Variants in RORA observed in about 807,000 individuals in gnomAD.
The protein encoded by RORA is RAR related orphan receptor A.
In RORA, 7 loss-of-function variants were observed where a neutral mutation model predicts 69.5. The observed-to-expected ratio is 0.10, with a 90% CI of 0.06 to 0.19. The LOEUF (loss-of-function observed/expected upper bound fraction) is 0.19. Among genes scored for constraint, RORA ranks in the 10% least tolerant of loss-of-function variants. RORA has a pLI of 1.00. For synonymous variants in RORA, 261 were observed against 240.8 expected (o/e 1.08, Z -0.78); for missense variants, 457 against 663.0 (o/e 0.69, Z 3.41).
chr15:61,210,685 G>C (rs1461203675), intron 1 of RORA, among the ~76,000 whole-genome samples: 1 of 152,088 alleles, frequency 6.6e-6, no homozygotes, highest in East Asian at 1.9e-4. Flanking sequence ...TTTTTTAAAA[G>C]GGAACTTTTT....
chr15:61,147,540 G>A lies in RORA; in HGVS notation c.166+81513C>T, dbSNP rs1318025475. Among the ~76,000 whole-genome samples, 1 of 152,222 alleles carries A rather than the reference G, an allele frequency of 6.6e-6. No homozygotes were observed. The highest frequency in any genetic ancestry group is 1.9e-4 in the East Asian group (1 of 5,194). ...TGGTTCCAAACCTCATAGAAGATAGGTTGGAAGCAGGAAAAAAAGATGAAA... is the reference window on the plus strand; with the variant it reads ...TGGTTCCAAACCTCATAGAAGATAGATTGGAAGCAGGAAAAAAAGATGAAA... On this transcript the variant is annotated intron_variant, in intron 1 of 10. Coordinates refer to ENST00000335670, the MANE Select transcript of RORA (RefSeq NM_134261.3). The surrounding 1 kb of genome is among the most constrained non-coding windows in gnomAD (Gnocchi z 4.1).
At chr15:61,162,380 TCCGTATTTTAATAGACTTTAGC>T (rs2079503148) in intron 1 of RORA, among the ~76,000 whole-genome samples, 1 of 152,148 alleles carries the variant, frequency 6.6e-6, no homozygotes, top group African/African-American at 2.4e-5. Context: ...AATATCTTAG[TCCGTATTTTAATAGACTTTAGC>T]CTTGACAAAA....
At chr15:60,708,455 T>C (rs1205402946) in intron 1 of RORA, among the ~76,000 whole-genome samples, 1 of 151,266 alleles carries the variant, frequency 6.6e-6, no homozygotes, top group Non-Finnish European at 1.5e-5. Context: ...GTTACCAACA[T>C]CACATCCAAG....
rs550191408 is a variant in RORA at position 60,852,121 on chromosome 15, T to G, written c.167-173435A>C. The stretch of plus-strand genomic sequence containing the variant: ...TGGCACACCAGCGCTTGAACCTCAG[T>G]GCAGGGCCTGTCCCTATGTGATTCA... On this transcript the variant is annotated intron_variant, in intron 1 of 10. Coordinates refer to ENST00000335670, the MANE Select transcript of RORA (RefSeq NM_134261.3). 8.0e-4 allele frequency among the ~76,000 whole-genome samples: 122 copies of G among 152,328 alleles called. 1 individual carries two copies. The highest frequency in any genetic ancestry group is 1.0e-3 in the African/African-American group (42 of 41,588).
chr15:61,203,939 T>C (rs1219795831), intron 1 of RORA, among the ~76,000 whole-genome samples: 1 of 152,192 alleles, frequency 6.6e-6, no homozygotes, highest in Admixed American at 6.5e-5. Context: ...GTTCAAAATG[T>C]TTGCAGAGAG....
intron 1 of RORA, among the ~76,000 whole-genome samples, chr15:61,059,214 G>C (rs2078136456): frequency 6.6e-6 from 1 of 152,216 alleles, no homozygotes; most frequent in Non-Finnish European, 1.5e-5. Context: ...CTGAGCCTCA[G>C]GGGATGCCCC....
intron 1 of RORA, among the ~76,000 whole-genome samples, chr15:60,757,234 C>T (rs2071816158): frequency 2.0e-5 from 3 of 152,162 alleles, no homozygotes; most frequent in Non-Finnish European, 4.4e-5. Flanking sequence ...CTTCTCAGCA[C>T]TGTTGATCAT....
intron 1 of RORA, among the ~76,000 whole-genome samples, chr15:60,947,045 C>A (rs965164277): frequency 1.2e-4 from 11 of 88,832 alleles, no homozygotes; most frequent in African/African-American, 3.0e-4. Context: ...CGGCCAGCCG[C>A]CCCGTCCGGG....
At chr15:61,053,243 C>T (rs1055160910) in intron 1 of RORA, among the ~76,000 whole-genome samples, 1 of 152,026 alleles carries the variant, frequency 6.6e-6, no homozygotes, top group African/African-American at 2.4e-5. Context: ...TGTTTGCATA[C>T]AGCTGTCAGC....
At chr15:60,655,932 G>A (rs562119882) in intron 2 of RORA, among the ~76,000 whole-genome samples, 1 of 152,174 alleles carries the variant, frequency 6.6e-6, no homozygotes, top group Non-Finnish European at 1.5e-5. Flanking sequence ...TAATTTCAAG[G>A]AATTTAACAC....
At chr15:60,850,245 G>C (rs1039122549) in intron 1 of RORA, among the ~76,000 whole-genome samples, 5 of 152,172 alleles carry the variant, frequency 3.3e-5, no homozygotes, top group African/African-American at 1.2e-4. Flanking sequence ...AGATGAGCCA[G>C]CAAGGGAACT....
At chr15:60,629,671 A>G (rs2069690061) in intron 2 of RORA, among the ~76,000 whole-genome samples, 2 of 152,182 alleles carry the variant, frequency 1.3e-5, no homozygotes, top group African/African-American at 4.8e-5. Flanking sequence ...ACTGATCACA[A>G]TGGTGTCAGG....
rs73432006 is a variant in RORA at position 60,906,519 on chromosome 15, G to A, written c.167-227833C>T. The stretch of plus-strand genomic sequence containing the variant: ...AAATCAAACTGGCAGGGAGGTGGTC[G>A]CAGCCATTCTAGGAAATCTCTCCCT... On this transcript the variant is annotated intron_variant, in intron 1 of 10. Coordinates refer to ENST00000335670, the MANE Select transcript of RORA (RefSeq NM_134261.3). Among the ~76,000 whole-genome samples, 1,224 of 152,310 alleles carry A rather than the reference G, an allele frequency of 8.0e-3. 21 individuals carry two copies. The highest frequency in any genetic ancestry group is 0.028 in the African/African-American group (1,164 of 41,556).
chr15:60,913,424 C>T (rs768343928), intron 1 of RORA, among the ~76,000 whole-genome samples: 5 of 152,246 alleles, frequency 3.3e-5, no homozygotes, highest in Non-Finnish European at 4.4e-5. Flanking sequence ...AATTGGCCAA[C>T]GTCTTGGTAT....
At chr15:60,630,904 T>TTTTTTTTG in intron 2 of RORA, among the ~76,000 whole-genome samples, 1 of 148,802 alleles carries the variant, frequency 6.7e-6, no homozygotes, top group Non-Finnish European at 1.5e-5. Context: ...TTTTTTTTTT[T>TTTTTTTTG]TGAGACGGAG....
chr15:60,805,185 G>A (rs769882111), intron 1 of RORA, among the ~76,000 whole-genome samples: 44 of 152,172 alleles, frequency 2.9e-4, no homozygotes, highest in Non-Finnish European at 5.6e-4. Flanking sequence ...TCACCATGAC[G>A]CCACTCTCCT....
chr15:61,148,790 A>C (rs1258838867), intron 1 of RORA, among the ~76,000 whole-genome samples: 2 of 152,220 alleles, frequency 1.3e-5, no homozygotes, highest in African/African-American at 4.8e-5. Flanking sequence ...GAATGGGATC[A>C]TGAAGCCTGA....
At chr15:60,799,448 GCA>G (rs910499797) in intron 1 of RORA, among the ~76,000 whole-genome samples, 3 of 152,160 alleles carry the variant, frequency 2.0e-5, no homozygotes, top group Admixed American at 2.0e-4. Flanking sequence ...TGGGGCCCAA[GCA>G]CTGGCTGTTG....
At chr15:60,500,382 G>A (rs2065293431) in intron 9 of RORA, among the ~76,000 whole-genome samples, 1 of 152,060 alleles carries the variant, frequency 6.6e-6, no homozygotes, top group African/African-American at 2.4e-5. Flanking sequence ...TTGAAAAATA[G>A]GAAAGTTTTC....
Sources: allele counts gnomAD v4.1 joint callset (sites outside exome capture counted in the v4.1 genomes callset), GRCh38; gene constraint gnomAD v4.1.1; non-coding constraint Gnocchi (gnomAD v3.1); transcripts MANE v1.5; gene names NCBI Gene and HGNC (gene_info 2026-07-23, HGNC 2026-07-21).